MYH13: variants seen among roughly 807,000 people sequenced by gnomAD.
MYH13 encodes the protein myosin-13.
A neutral mutation model predicts 232.1 loss-of-function variants in MYH13; 177 were observed. The observed-to-expected ratio is 0.76, with a 90% CI of 0.67 to 0.86. The LOEUF is 0.86. Ranked by LOEUF, MYH13 falls within the 40% of genes least tolerant of loss-of-function variation. The probability of loss-of-function intolerance (pLI) is 0.00; values close to 1 mark genes in which losing one functional copy is unlikely to be tolerated. For missense variants in MYH13, 2,246 were observed against 2,405.9 expected (o/e 0.93, Z 1.39); for synonymous variants, 884 against 923.5 (o/e 0.96, Z 0.78).
At chr17:10,365,228 A>T (rs899863400) in intron 2 of MYH13, among the ~76,000 whole-genome samples, 1 of 152,234 alleles carries the variant, frequency 6.6e-6, no homozygotes, top group African/African-American at 2.4e-5. Flanking sequence ...TCTCAGTGTC[A>T]GTTTAAAATC....
chr17:10,321,249 A>G (rs532939259), intron 24 of MYH13, among the ~76,000 whole-genome samples: 3 of 152,228 alleles, frequency 2.0e-5, no homozygotes, highest in South Asian at 2.1e-4. Context: ...AGTAGCAGCT[A>G]TGTTTTACTG....
At chr17:10,347,661 G>C (rs1243820352) in intron 12 of MYH13, among the ~76,000 whole-genome samples, 2 of 150,178 alleles carry the variant, frequency 1.3e-5, no homozygotes, top group Non-Finnish European at 2.9e-5. Flanking sequence ...CTGGGGGCCT[G>C]CATTGAGCTC....
Position 10,360,059 on chromosome 17 carries a change from C to G in MYH13, c.546G>C (p.Gly182=). The change falls in exon 7 of 41, where the codon GGG becomes GGC. Residue 182 remains glycine, a synonymous_variant. Coordinates refer to ENST00000252172, the MANE Select transcript of MYH13 (RefSeq NM_003802.3). ...GCTTGGTGTTCACAGTCTTCCCAGCCCCGGATTCTCCGCTGCCAATTTAAA... is the reference window on the plus strand; with the variant it reads ...GCTTGGTGTTCACAGTCTTCCCAGCGCCGGATTCTCCGCTGCCAATTTAAA... The part of the protein sequence containing the change: ...NQSILITGES[G]AGKTVNTKRV... The G allele has an allele frequency of 2.5e-6, 4 of 1,614,098 alleles. No homozygotes were observed. Among genetic ancestry groups the G allele is most frequent in the Non-Finnish European group, 3.4e-6 (4 of 1,180,030 alleles).
chr17:10,353,938 A>C (rs1196060487), intron 11 of MYH13, among the ~76,000 whole-genome samples: 1 of 148,908 alleles, frequency 6.7e-6, no homozygotes, highest in Non-Finnish European at 1.5e-5. Flanking sequence ...GAAAGAAGGA[A>C]GGAAGGAAGG....
rs150985714 is a variant in MYH13 at position 10,314,145 on chromosome 17, C to T, written c.3985-791G>A. On this transcript the variant is annotated intron_variant, in intron 29 of 40. Transcript: ENST00000252172. Reference sequence around the variant, plus strand: ...CTTTTTAAAAATGCAATAGACCAAGCGTGGTGGCTCATGCCTGTAATCCTA... The same window carrying T: ...CTTTTTAAAAATGCAATAGACCAAGTGTGGTGGCTCATGCCTGTAATCCTA... Among the ~76,000 whole-genome samples, 336 of 152,300 alleles carry T rather than the reference C, an allele frequency of 2.2e-3. 4 individuals are homozygous for T. The East Asian group carries it at 0.027, about 12-fold the overall frequency.
intron 2 of MYH13, among the ~76,000 whole-genome samples, chr17:10,370,029 T>C (rs889509539): frequency 1.3e-5 from 2 of 152,236 alleles, no homozygotes; most frequent in Non-Finnish European, 2.9e-5. Flanking sequence ...GGTTCTTCTA[T>C]GATGTGCTTT....
At chr17:10,353,112 G>T (rs1251514893) in intron 11 of MYH13, among the ~76,000 whole-genome samples, 1 of 152,140 alleles carries the variant, frequency 6.6e-6, no homozygotes, top group East Asian at 1.9e-4. Flanking sequence ...ATAAGGCAAA[G>T]GCAGACCTGT....
Position 10,345,202 on chromosome 17 carries a change from C to T in MYH13, c.1584G>A (p.Lys528=). The T allele has an allele frequency of 1.2e-6, 2 of 1,614,080 alleles. No individual in the cohort carries two copies. Among genetic ancestry groups the T allele is most frequent in the African/African-American group, 1.3e-5 (1 of 75,042 alleles). ...DLAACIELIE[K]PMGIFSILEE... is the part of the protein sequence containing the mutation. ...GTCCCAGGCAGCAGTATCTCTCTACCTTCTCGATGAGCTCGATGCAGGCAG... is the reference window on the plus strand; with the variant it reads ...GTCCCAGGCAGCAGTATCTCTCTACTTTCTCGATGAGCTCGATGCAGGCAG... The change falls in exon 15 of 41, where the codon AAG becomes AAA. Residue 528 remains lysine, a splice_region_variant and synonymous_variant. Coordinates refer to ENST00000252172, the MANE Select transcript of MYH13 (RefSeq NM_003802.3).
At chr17:10,321,475 C>G in intron 24 of MYH13, 57 bp downstream of exon 24, 2 of 1,529,102 alleles carry the variant, frequency 1.3e-6, no homozygotes, top group South Asian at 1.2e-5. Context: ...TAGACTGTCT[C>G]TTGTCTGTGC....
intron 2 of MYH13, among the ~76,000 whole-genome samples, chr17:10,366,154 T>C (rs1303690427): frequency 6.6e-6 from 1 of 152,038 alleles, no homozygotes; most frequent in Non-Finnish European, 1.5e-5. Flanking sequence ...CCGTAAGTCC[T>C]GTGTGGACTG....
chr17:10,322,778 CG>C lies in MYH13; in HGVS notation c.2935-1071del, dbSNP rs1253237226. On this transcript the variant is annotated intron_variant, in intron 23 of 40. Coordinates refer to ENST00000252172, the MANE Select transcript of MYH13 (RefSeq NM_003802.3). ...CCTCCTGAGTAGCTGGGACTACAGG[CG>C]TCCGCCACCACGCCCGGCTAATTTT... is the stretch of plus-strand genomic sequence containing the variant. Among the ~76,000 whole-genome samples, 6 of 151,998 alleles carry C rather than the reference CG, an allele frequency of 3.9e-5. No homozygotes were observed. The East Asian group carries it at 7.8e-4, about 20-fold the overall frequency.
rs1233984585 is a variant in MYH13, at chr17:10,319,083, C to T, written c.3445G>A (p.Glu1149Lys). Residue 1149 changes from glutamate (E) to lysine (K), a missense_variant, in exon 27 of 41, where the codon GAG becomes AAG. Coordinates refer to ENST00000252172, the MANE Select transcript of MYH13 (RefSeq NM_003802.3). ...GCTTCTTCCAGCCTCTCGCTGATCTCCTCCAGTTCCCTGGCCAGATCTGAG... is the reference window on the plus strand; with the variant it reads ...GCTTCTTCCAGCCTCTCGCTGATCTTCTCCAGTTCCCTGGCCAGATCTGAG... ...QRSDLARELE[E>K]ISERLEEASG... 6.2e-7 allele frequency: 1 copy of T among 1,614,074 alleles called. No homozygotes were observed. Among genetic ancestry groups the T allele is most frequent in the Non-Finnish European group, 8.5e-7 (1 of 1,180,032 alleles).
chr17:10,363,260 G>A (rs1419315271), intron 3 of MYH13, among the ~76,000 whole-genome samples: 1 of 139,346 alleles, frequency 7.2e-6, no homozygotes, highest in African/African-American at 2.7e-5. Flanking sequence ...AGCTTGCAGT[G>A]AGCCGAGATC....
At chr17:10,325,099 A>C (rs887168807) in intron 22 of MYH13, 1 of 152,166 alleles carries the variant, frequency 6.6e-6, no homozygotes, top group Non-Finnish European at 1.5e-5. Context: ...CTGGGACTAC[A>C]AGTGTGAGCC....
intron 26 of MYH13, 65 bp from the exon 27 acceptor site, chr17:10,319,244 T>C: frequency 6.6e-7 from 1 of 1,524,676 alleles, no homozygotes; most frequent in South Asian, 1.3e-5. Flanking sequence ...TGAGAGGGGC[T>C]GGGTGTTGAG....
intron 19 of MYH13, among the ~76,000 whole-genome samples, chr17:10,332,473 G>T (rs9909522): frequency 6.6e-6 from 1 of 152,036 alleles, no homozygotes; most frequent in Admixed American, 6.5e-5. Context: ...ATGGCGGGAA[G>T]TTTGCTTTCA....
intron 23 of MYH13, among the ~76,000 whole-genome samples, chr17:10,322,716 C>T (rs1385777284): frequency 6.7e-6 from 1 of 148,756 alleles, no homozygotes; most frequent in East Asian, 2.0e-4. Context: ...TCACTGCAAG[C>T]TCCGCCTCCC....
intron 2 of MYH13, among the ~76,000 whole-genome samples, chr17:10,366,381 G>GTTTTTCTTTTTTTTTT (rs2071837485): frequency 8.9e-6 from 1 of 112,640 alleles, no homozygotes; most frequent in East Asian, 2.4e-4. Flanking sequence ...AAATAAATCT[G>GTTTTTCTTTTTTTTTT]TTTTTTTTTT....
intron 31 of MYH13, 107 bp downstream of exon 31, chr17:10,312,467 A>G: frequency 7.4e-7 from 1 of 1,349,752 alleles, no homozygotes; most frequent in Non-Finnish European, 1.0e-6. Flanking sequence ...CTGCCACTGC[A>G]AAACATTTGT....
Sources: gnomAD v4.1 joint callset for allele counts (sites outside exome capture counted in the v4.1 genomes callset) on GRCh38, gnomAD v4.1.1 for gene constraint, MANE v1.5 for transcripts, NCBI Gene and HGNC (gene_info 2026-07-23, HGNC 2026-07-21) for gene names.